The following RGS17 variants were observed in gnomAD, a reference collection of about 807,000 sequenced individuals.
RGS17 encodes the protein regulator of G protein signaling 17, also known as regulator of G-protein signaling 17.
RGS17 carries 12 observed loss-of-function variants against 25.5 expected under a neutral mutation model. That is an observed-to-expected ratio of 0.47 (90% CI 0.30 to 0.76). The LOEUF is 0.76. Ranked by LOEUF, RGS17 falls within the 30% of genes least tolerant of loss-of-function variation. RGS17 has a pLI of 0.07. For missense variants in RGS17, 196 were observed against 242.2 expected, an observed-to-expected ratio of 0.81 and a Z score of 1.27; for synonymous variants, 71 against 76.9, an observed-to-expected ratio of 0.92 and a Z score of 0.40.
intron 1 of RGS17, among the ~76,000 whole-genome samples, chr6:153,089,960 T>C (rs17712040): frequency 0.11 from 17,445 of 152,188 alleles, 1,215 homozygotes; most frequent in Middle Eastern, 0.21. Context: ...GTCCACATAA[T>C]CATTAGCAGA....
chr6:153,023,535 A>C (rs1287769586), intron 4 of RGS17: 2 of 243,990 alleles, frequency 8.2e-6, no homozygotes, highest in Admixed American at 8.2e-5. Context: ...TTAAGTTTTA[A>C]ACAGTCAATG....
intron 1 of RGS17, among the ~76,000 whole-genome samples, chr6:153,080,389 C>T (rs976139221): frequency 1.7e-4 from 26 of 152,196 alleles, no homozygotes; most frequent in Non-Finnish European, 2.8e-4. Flanking sequence ...AGATTTATCG[C>T]GCTACCCTCC....
At chr6:153,021,093 TTTATTAGTTTCTGTGC>T (rs1383511200) in intron 4 of RGS17, among the ~76,000 whole-genome samples, 2 of 152,182 alleles carry the variant, frequency 1.3e-5, no homozygotes, top group Non-Finnish European at 2.9e-5. Context: ...ATGCATTTGG[TTTATTAGTTTCTGTGC>T]TTATTTTTAT....
At chr6:153,027,730 G>T (rs1316943336) in intron 2 of RGS17, among the ~76,000 whole-genome samples, 2 of 152,114 alleles carry the variant, frequency 1.3e-5, no homozygotes, top group Non-Finnish European at 2.9e-5. Flanking sequence ...GCTATAGTTG[G>T]AATTGGAAGC....
At chr6:153,038,145 G>C (rs544313179) in intron 2 of RGS17, among the ~76,000 whole-genome samples, 4 of 152,304 alleles carry the variant, frequency 2.6e-5, no homozygotes, top group Admixed American at 6.5e-5. Flanking sequence ...GAAGCTGACT[G>C]GGGTATCTGG....
At chr6:153,043,278 T>G (rs1776344809) in intron 2 of RGS17, among the ~76,000 whole-genome samples, 1 of 152,344 alleles carries the variant, frequency 6.6e-6, no homozygotes, top group African/African-American at 2.4e-5. Context: ...AAGCAGGTTC[T>G]CTGGCTCTAA....
chr6:153,029,943 A>G (rs1779343985), intron 2 of RGS17, among the ~76,000 whole-genome samples: 2 of 152,210 alleles, frequency 1.3e-5, no homozygotes, highest in Non-Finnish European at 2.9e-5. Context: ...TGTAACATTT[A>G]AAACTAACAT....
chr6:153,078,812 T>G (rs1776925081), intron 1 of RGS17, among the ~76,000 whole-genome samples: 1 of 152,040 alleles, frequency 6.6e-6, no homozygotes, highest in Non-Finnish European at 1.5e-5. Flanking sequence ...TAAGTAATAT[T>G]ATAAATGGTA....
chr6:153,041,324 C>A (rs1159224670), intron 2 of RGS17, among the ~76,000 whole-genome samples: 1 of 152,186 alleles, frequency 6.6e-6, no homozygotes, highest in Admixed American at 6.5e-5. Context: ...CAGTTCCTGA[C>A]AAGGGCATTG....
intron 4 of RGS17, among the ~76,000 whole-genome samples, chr6:153,022,323 TTAAG>T (rs1779255534): frequency 6.6e-6 from 1 of 152,028 alleles, no homozygotes; most frequent in Admixed American, 6.5e-5. Flanking sequence ...AAAGAAAAAA[TTAAG>T]TATTCTACAA....
intron 1 of RGS17, among the ~76,000 whole-genome samples, chr6:153,123,747 G>A (rs975493409): frequency 5.3e-5 from 8 of 152,180 alleles, no homozygotes; most frequent in Admixed American, 1.3e-4. Flanking sequence ...CATGGGAAAT[G>A]TGGACCCGGA....
chr6:153,079,233 A>G (rs897949768), intron 1 of RGS17, among the ~76,000 whole-genome samples: 2 of 152,084 alleles, frequency 1.3e-5, no homozygotes, highest in African/African-American at 4.8e-5. Flanking sequence ...ATGTGACACC[A>G]CATCTGGCTA....
At chr6:153,073,624 A>C (rs1461152584) in intron 1 of RGS17, among the ~76,000 whole-genome samples, 2 of 152,144 alleles carry the variant, frequency 1.3e-5, no homozygotes, top group Non-Finnish European at 2.9e-5. Context: ...AGTTAACAGA[A>C]TCTAGTGACA....
intron 1 of RGS17, among the ~76,000 whole-genome samples, chr6:153,106,864 C>A (rs925077582): frequency 6.6e-6 from 1 of 151,474 alleles, no homozygotes; most frequent in South Asian, 2.1e-4. Context: ...GAACTCTTGA[C>A]CTCAGGTGAT....
chr6:153,096,560 C>T (rs749024769), intron 1 of RGS17, among the ~76,000 whole-genome samples: 8 of 152,284 alleles, frequency 5.3e-5, no homozygotes, highest in East Asian at 3.9e-4. Context: ...CTGTAACAGG[C>T]AAGCAATCAA....
intron 1 of RGS17, among the ~76,000 whole-genome samples, chr6:153,050,271 GTTTAA>G (rs982803503): frequency 6.6e-6 from 1 of 151,868 alleles, no homozygotes; most frequent in African/African-American, 2.4e-5. Context: ...TTTTTATATA[GTTTAA>G]TTTATTAAAA....
chr6:153,068,578 C>T (rs888346900), intron 1 of RGS17, among the ~76,000 whole-genome samples: 1 of 152,116 alleles, frequency 6.6e-6, no homozygotes, highest in African/African-American at 2.4e-5. Flanking sequence ...CAAGCATAGG[C>T]AACCAACGCA....
At chr6:153,099,587 G>C (rs1777268169) in intron 1 of RGS17, among the ~76,000 whole-genome samples, 1 of 152,126 alleles carries the variant, frequency 6.6e-6, no homozygotes, top group Non-Finnish European at 1.5e-5. Context: ...GCTGGAATCT[G>C]AGTGATTTTG....
At chr6:153,022,356 C>T (rs1779255864) in intron 4 of RGS17, among the ~76,000 whole-genome samples, 1 of 152,140 alleles carries the variant, frequency 6.6e-6, no homozygotes, top group Non-Finnish European at 1.5e-5. Flanking sequence ...CAATCAGTGA[C>T]ATCAGAAAAT....
Sources: allele counts gnomAD v4.1 joint callset (sites outside exome capture counted in the v4.1 genomes callset), GRCh38; gene constraint gnomAD v4.1.1; transcripts MANE v1.5; gene names NCBI Gene and HGNC (gene_info 2026-07-23, HGNC 2026-07-21).